Variants in CYRIB observed in about 807,000 individuals in gnomAD.
CYRIB encodes CYFIP related Rac1 interactor B, also known as CYFIP-related Rac1 interactor B.
Under a neutral mutation model 44.2 loss-of-function variants are expected in CYRIB, and 8 were observed. That is an observed-to-expected ratio of 0.18 (90% CI 0.11 to 0.33). The LOEUF (loss-of-function observed/expected upper bound fraction) is 0.33, where lower values mean the gene tolerates loss of function less well. Ranked by LOEUF, CYRIB falls within the 10% of genes least tolerant of loss-of-function variation. The pLI is 1.00. For synonymous variants in CYRIB, 131 were observed against 127.2 expected (o/e 1.03, Z -0.20); for missense variants, 185 against 382.8 (o/e 0.48, Z 4.31).
At chr8:130,004,058 G>A (rs919131388) in intron 1 of CYRIB, among the ~76,000 whole-genome samples, 1 of 152,064 alleles carries the variant, frequency 6.6e-6, no homozygotes, top group Admixed American at 6.6e-5. Context: ...GTCAAGAAAG[G>A]CTGTCTCCCT....
intron 1 of CYRIB, among the ~76,000 whole-genome samples, chr8:130,003,312 G>T (rs1283986907): frequency 6.6e-6 from 1 of 152,156 alleles, no homozygotes; most frequent in Non-Finnish European, 1.5e-5. Flanking sequence ...TCCCAAAGTG[G>T]GTTCCCTGGG....
At position 129,908,928 on chromosome 8, in the gene CYRIB, A is replaced by G. The variant is rs116053699; in HGVS notation, c.-49-5578T>C. ...TACTAAATATTAATACAATATCAAT[A>G]CATTCTTTTTTTATAAAGATTTTAA... On this transcript the variant is annotated intron_variant, in intron 1 of 11. Transcript: ENST00000519824. Among the ~76,000 whole-genome samples, 1,387 of 151,714 alleles carry G rather than the reference A, an allele frequency of 9.1e-3. 18 individuals carry two copies. Among genetic ancestry groups the G allele is most frequent in the African/African-American group, 0.032 (1,314 of 41,452 alleles).
intron 1 of CYRIB, among the ~76,000 whole-genome samples, chr8:129,930,632 T>C (rs530949388): frequency 2.0e-5 from 3 of 151,956 alleles, no homozygotes; most frequent in Non-Finnish European, 4.4e-5. Context: ...TAATGGAACT[T>C]TGGCAACCCA....
At chr8:130,007,373 G>A (rs7016402) in intron 1 of CYRIB, among the ~76,000 whole-genome samples, 7,983 of 152,310 alleles carry the variant, frequency 0.052, 288 homozygotes, top group Non-Finnish European at 0.077. Context: ...TGGTATGTTT[G>A]AATTCCAGCT....
intron 1 of CYRIB, among the ~76,000 whole-genome samples, chr8:130,009,095 G>A (rs955156461): frequency 2.0e-5 from 3 of 152,202 alleles, no homozygotes; most frequent in Admixed American, 1.3e-4. Context: ...GCCAAGAGAG[G>A]TTATGCAATG....
intron 11 of CYRIB, among the ~76,000 whole-genome samples, chr8:129,846,392 A>C (rs2040017454): frequency 6.6e-6 from 1 of 152,184 alleles, no homozygotes; most frequent in Non-Finnish European, 1.5e-5. Context: ...GTAAAGAAAA[A>C]ACTCTGGAAG....
rs1325893953 is a variant in CYRIB at position 129,904,494 on chromosome 8, C to A, written c.-49-1144G>T. 6.6e-6 allele frequency: 1 copy of A among 152,150 alleles called. No homozygotes were observed. The highest frequency in any genetic ancestry group is 1.9e-4 in the East Asian group (1 of 5,196). 9.4% of individuals were successfully genotyped at this position (152,150 alleles called of 1,614,324 possible). On this transcript the variant is annotated intron_variant, in intron 1 of 11. Transcript: ENST00000519824. ...CTCACAGAAGTGAGCAGCTCAATAACGCACCCTTGGATTGGCGTTCCCTCT... is the reference window on the plus strand; with the variant it reads ...CTCACAGAAGTGAGCAGCTCAATAAAGCACCCTTGGATTGGCGTTCCCTCT...
At chr8:129,885,763 C>T (rs1196774796) in intron 2 of CYRIB, among the ~76,000 whole-genome samples, 1 of 151,994 alleles carries the variant, frequency 6.6e-6, no homozygotes, top group East Asian at 1.9e-4. Context: ...GTTTTGCTAC[C>T]TCACTCAATC....
Position 130,006,614 on chromosome 8 carries a change from ATGTG to A in CYRIB, c.-296+9752_-296+9755del, listed in dbSNP as rs1285074738. 6.7e-3 allele frequency among the ~76,000 whole-genome samples: 112 copies of A among 16,624 alleles called. 24 individuals carry two copies. In the East Asian group the frequency reaches 0.18, roughly 27 times the overall value. The allele number at this position is 16,624 out of a possible 152,430, so 10.9% of individuals were successfully genotyped here. ...ACAAATTATATATATATACATATATATGTGTATATATATACATATATATGTGTAT... is the reference window on the plus strand; with the variant it reads ...ACAAATTATATATATATACATATATATATATATATACATATATATGTGTAT... On this transcript the variant is annotated intron_variant, in intron 1 of 14. Transcript: ENST00000401979.
At chr8:129,926,834 T>C (rs1287073749) in intron 1 of CYRIB, among the ~76,000 whole-genome samples, 1 of 152,224 alleles carries the variant, frequency 6.6e-6, no homozygotes, top group Non-Finnish European at 1.5e-5. Context: ...ATATATCTAC[T>C]GGCTCCACAC....
chr8:129,998,742 G>A (rs1350069808), intron 1 of CYRIB, among the ~76,000 whole-genome samples: 5 of 151,210 alleles, frequency 3.3e-5, no homozygotes, highest in Admixed American at 6.6e-5. Context: ...AGTAATTCTC[G>A]TGCCTCAGCC....
At chr8:129,998,594 G>A (rs917050403) in intron 1 of CYRIB, among the ~76,000 whole-genome samples, 17 of 151,882 alleles carry the variant, frequency 1.1e-4, no homozygotes, top group Non-Finnish European at 2.2e-4. Context: ...ATGGCTCCCC[G>A]GGGGGGTTGT....
chr8:130,013,143 T>G (rs563571411), intron 1 of CYRIB, among the ~76,000 whole-genome samples: 1 of 152,344 alleles, frequency 6.6e-6, no homozygotes, highest in South Asian at 2.1e-4. Context: ...TTGTTGATGA[T>G]GATAACAATA....
intron 2 of CYRIB, among the ~76,000 whole-genome samples, chr8:129,962,927 G>C (rs1042691378): frequency 1.3e-5 from 2 of 152,174 alleles, no homozygotes; most frequent in African/African-American, 4.8e-5. Context: ...ACCTGAGCAG[G>C]TGCAAGCTGC....
intron 2 of CYRIB, among the ~76,000 whole-genome samples, chr8:129,963,722 T>C (rs1386763517): frequency 3.3e-5 from 5 of 152,180 alleles, no homozygotes; most frequent in African/African-American, 1.2e-4. Flanking sequence ...TTAAAGCTCT[T>C]AACAGCTCTC....
chr8:129,990,073 C>G (rs1484183351), intron 1 of CYRIB, among the ~76,000 whole-genome samples: 1 of 152,110 alleles, frequency 6.6e-6, no homozygotes, highest in Non-Finnish European at 1.5e-5. Context: ...GCCACCTCTC[C>G]AACTTGTCCT....
chr8:129,901,370 C>G (rs2071766167), intron 2 of CYRIB: 1 of 152,098 alleles, frequency 6.6e-6, no homozygotes, highest in African/African-American at 2.4e-5. Context: ...GCAGGTGCTA[C>G]CATGCCTGGC....
chr8:129,955,727 C>A (rs2094786646), intron 2 of CYRIB, among the ~76,000 whole-genome samples: 1 of 152,118 alleles, frequency 6.6e-6, no homozygotes, highest in Non-Finnish European at 1.5e-5. Context: ...AATCTGATTC[C>A]TTGAGACACA....
At position 129,909,550 on chromosome 8, in the gene CYRIB, A is replaced by G. The variant is rs76990838; in HGVS notation, c.-49-6200T>C. Among the ~76,000 whole-genome samples, 1,392 of 152,242 alleles carry G rather than the reference A, an allele frequency of 9.1e-3. 18 individuals are homozygous for G. Among genetic ancestry groups the G allele is most frequent in the African/African-American group, 0.032 (1,319 of 41,534 alleles). On this transcript the variant is annotated intron_variant, in intron 1 of 11. Coordinates refer to ENST00000519824, the Ensembl canonical transcript of CYRIB. ...ACTTTTAGTCTTTACATACCAACTCATCATATGGTTGTACCACATTTTTTC... is the reference window on the plus strand; with the variant it reads ...ACTTTTAGTCTTTACATACCAACTCGTCATATGGTTGTACCACATTTTTTC...
Sources: gnomAD v4.1 joint callset for allele counts (sites outside exome capture counted in the v4.1 genomes callset) on GRCh38, gnomAD v4.1.1 for gene constraint, MANE v1.5 for transcripts, NCBI Gene and HGNC (gene_info 2026-07-23, HGNC 2026-07-21) for gene names.